TENM2: variants seen among roughly 807,000 people sequenced by gnomAD.
The protein encoded by TENM2 is teneurin transmembrane protein 2.
A neutral mutation model predicts 245.2 loss-of-function variants in TENM2; 52 were observed. That is an observed-to-expected ratio of 0.21 (90% CI 0.17 to 0.27). The LOEUF is 0.27. TENM2 is among the 10% of genes least tolerant of loss of function. TENM2 has a pLI of 1.00. For missense variants in TENM2, 3,046 were observed against 3,666.8 expected (o/e 0.83, Z 4.37); for synonymous variants, 1,363 against 1,438.9 (o/e 0.95, Z 1.19).
intron 2 of TENM2, among the ~76,000 whole-genome samples, chr5:167,618,396 T>A (rs929082676): frequency 6.6e-6 from 1 of 152,026 alleles, no homozygotes; most frequent in African/African-American, 2.4e-5. Context: ...GGTGAGTAGT[T>A]ATCAACACCG....
At chr5:168,211,489 A>T (rs532964023) in intron 19 of TENM2, among the ~76,000 whole-genome samples, 1 of 152,338 alleles carries the variant, frequency 6.6e-6, no homozygotes, top group Admixed American at 6.5e-5. Flanking sequence ...GTCTTGTGAC[A>T]GCCACATTGC....
intron 1 of TENM2, among the ~76,000 whole-genome samples, chr5:167,318,287 C>T (rs1288449812): frequency 3.3e-5 from 5 of 152,102 alleles, no homozygotes; most frequent in Non-Finnish European, 5.9e-5. Flanking sequence ...TGAAATTAAC[C>T]ATTTCAGAAT....
intron 3 of TENM2, among the ~76,000 whole-genome samples, chr5:167,883,076 C>T (rs1158869064): frequency 6.6e-6 from 1 of 152,154 alleles, no homozygotes; most frequent in Non-Finnish European, 1.5e-5. Context: ...CAAAGCAGAT[C>T]CTTGTAACTT....
At chr5:167,254,902 G>A in the TENM2 span, among the ~76,000 whole-genome samples, 2 of 151,994 alleles carry the variant, frequency 1.3e-5, no homozygotes, top group Non-Finnish European at 2.9e-5. Context: ...TTGGTTCAAG[G>A]ACAAGAAGAC....
chr5:167,215,988 G>A, the TENM2 span, among the ~76,000 whole-genome samples: 5 of 152,132 alleles, frequency 3.3e-5, no homozygotes, highest in Admixed American at 1.3e-4. Flanking sequence ...TGGTAGAACC[G>A]TCTCCATAAT....
At chr5:167,752,261 A>AT (rs575290973) in intron 2 of TENM2, among the ~76,000 whole-genome samples, 5,577 of 123,138 alleles carry the variant, frequency 0.045, 110 homozygotes, top group African/African-American at 0.074. Flanking sequence ...TGCCCAGCTA[A>AT]TTTTTTTTTT....
intron 12 of TENM2, among the ~76,000 whole-genome samples, chr5:168,144,838 C>G (rs1442066916): frequency 2.0e-5 from 3 of 151,280 alleles, no homozygotes; most frequent in East Asian, 3.9e-4. Flanking sequence ...CTCTCCAGCA[C>G]CTGTTGTTTC....
At chr5:167,329,805 T>A (rs1181927185) in intron 1 of TENM2, among the ~76,000 whole-genome samples, 9 of 152,108 alleles carry the variant, frequency 5.9e-5, no homozygotes, top group Non-Finnish European at 2.9e-5. Flanking sequence ...AGTTCTTGCT[T>A]ATAGTAGTGA....
At chr5:168,184,774 G>A (rs1159616364) in intron 13 of TENM2, among the ~76,000 whole-genome samples, 1 of 152,174 alleles carries the variant, frequency 6.6e-6, no homozygotes, top group Non-Finnish European at 1.5e-5. Flanking sequence ...CCTGAGTGTA[G>A]CTTTACTAGT....
the TENM2 span, among the ~76,000 whole-genome samples, chr5:167,029,044 G>C: frequency 5.3e-5 from 8 of 152,116 alleles, no homozygotes; most frequent in East Asian, 1.9e-4. Flanking sequence ...TTAATAGCAA[G>C]ACATGAAAAA....
intron 13 of TENM2, among the ~76,000 whole-genome samples, chr5:168,180,712 A>G (rs1029392734): frequency 6.6e-6 from 1 of 152,200 alleles, no homozygotes; most frequent in Non-Finnish European, 1.5e-5. Flanking sequence ...CCTGGCCAAC[A>G]TGGTGAAACC....
At chr5:167,918,226 TACAA>T (rs1777093890) in intron 3 of TENM2, among the ~76,000 whole-genome samples, 1 of 152,220 alleles carries the variant, frequency 6.6e-6, no homozygotes, top group African/African-American at 2.4e-5. Context: ...GTTGAGTGAA[TACAA>T]ACAGTTACCA....
chr5:167,339,383 C>T (rs1382256406), intron 1 of TENM2, among the ~76,000 whole-genome samples: 1 of 152,186 alleles, frequency 6.6e-6, no homozygotes, highest in East Asian at 1.9e-4. Context: ...TTAATGTCAT[C>T]TCTATTCCTG....
chr5:167,130,010 T>TAGTTGAAATATGGGAATA, the TENM2 span, among the ~76,000 whole-genome samples: 6 of 152,174 alleles, frequency 3.9e-5, no homozygotes, highest in Non-Finnish European at 8.8e-5. Context: ...GGCCAAGAAT[T>TAGTTGAAATATGGGAATA]AGTTGAAATA....
chr5:167,876,065 T>A (rs905375681), exon 3 of TENM2: 4 of 1,551,360 alleles, frequency 2.6e-6, no homozygotes, highest in Non-Finnish European at 3.5e-6. Flanking sequence ...CTCCACCAGT[T>A]AGCTGCCAGA....
intron 9 of TENM2, among the ~76,000 whole-genome samples, chr5:168,115,693 G>C (rs147822917): frequency 2.6e-5 from 4 of 152,252 alleles, no homozygotes; most frequent in Admixed American, 1.3e-4. Context: ...TTTTATTTCA[G>C]TGCAGGGCTG....
chr5:167,763,354 C>G (rs1762801464), intron 2 of TENM2, among the ~76,000 whole-genome samples: 1 of 152,186 alleles, frequency 6.6e-6, no homozygotes, highest in African/African-American at 2.4e-5. Flanking sequence ...TCATTTCATT[C>G]CTTCACATTA....
chr5:167,560,924 T>C (rs1043645767), intron 2 of TENM2, among the ~76,000 whole-genome samples: 9 of 106,770 alleles, frequency 8.4e-5, no homozygotes, highest in African/African-American at 2.4e-4. Flanking sequence ...AGGTGGGCTG[T>C]GTGTATCTAG....
Position 167,744,633 on chromosome 5 carries a change from C to T in TENM2, c.503-131353C>T, listed in dbSNP as rs576764195. Among the ~76,000 whole-genome samples the T allele has an allele frequency of 8.5e-5, 13 of 152,240 alleles. No individual in the cohort carries two copies. In the South Asian group the frequency reaches 2.3e-3, roughly 27 times the overall value. On this transcript the variant is annotated intron_variant, in intron 2 of 28. Coordinates refer to ENST00000518659, the Ensembl canonical transcript of TENM2. ...AAAGGTGCATTGTGACATTTTATAT[C>T]GTTCCTTCCACCTATTAATAGCTCT...
Sources: allele counts gnomAD v4.1 joint callset (sites outside exome capture counted in the v4.1 genomes callset), GRCh38; gene constraint gnomAD v4.1.1; transcripts MANE v1.5; gene names NCBI Gene and HGNC (gene_info 2026-07-23, HGNC 2026-07-21).